The following PCDH11X variants were observed in gnomAD, a reference collection of about 807,000 sequenced individuals.
PCDH11X encodes the protein protocadherin-11 X-linked.
In PCDH11X, 18 loss-of-function variants were observed where a neutral mutation model predicts 53.3. The observed-to-expected ratio is 0.34, with a 90% confidence interval of 0.23 to 0.50. The LOEUF (loss-of-function observed/expected upper bound fraction) is 0.50. Among genes scored for constraint, PCDH11X ranks in the 20% least tolerant of loss-of-function variants. PCDH11X has a pLI of 0.98. For synonymous variants in PCDH11X, 279 were observed against 393.3 expected (o/e 0.71, Z 3.44); for missense variants, 570 against 1,032.4 (o/e 0.55, Z 6.14).
chrX:91,967,091 C>A (rs971761683), intron 6 of PCDH11X, among the ~76,000 whole-genome samples: 2 of 102,838 alleles, frequency 1.9e-5, no homozygotes, highest in African/African-American at 3.6e-5. Context: ...GTTTGGTTTT[C>A]TGTTCCTGTG....
At chrX:92,066,768 G>A (rs1379471709) in intron 6 of PCDH11X, among the ~76,000 whole-genome samples, 6 of 112,106 alleles carry the variant, frequency 5.4e-5, no homozygotes, top group East Asian at 2.8e-4. Flanking sequence ...CAGTAAGATC[G>A]TTATCAACTG....
intron 6 of PCDH11X, among the ~76,000 whole-genome samples, chrX:92,120,742 A>G (rs938811778): frequency 8.9e-6 from 1 of 111,958 alleles, no homozygotes; most frequent in Non-Finnish European, 1.9e-5. Context: ...CAATTACAAC[A>G]TGACTGCAAT....
intron 10 of PCDH11X, among the ~76,000 whole-genome samples, chrX:92,507,627 A>G (rs2074087723): frequency 9.0e-6 from 1 of 111,391 alleles, no homozygotes. Flanking sequence ...ACGTTTGGAT[A>G]CTAAATATGT....
intron 5 of PCDH11X, among the ~76,000 whole-genome samples, chrX:91,838,745 TTTG>T (rs1302275573): frequency 1.8e-5 from 2 of 108,169 alleles, no homozygotes; most frequent in Non-Finnish European, 1.9e-5. Flanking sequence ...TTGCTCTACT[TTTG>T]TTGAATAGAC....
At chrX:92,580,202 C>A (rs1022936923) in intron 10 of PCDH11X, among the ~76,000 whole-genome samples, 5 of 107,103 alleles carry the variant, frequency 4.7e-5, no homozygotes, top group Admixed American at 9.8e-5. Flanking sequence ...GTTGGAGCAT[C>A]TCATACAGTC....
chrX:92,254,730 G>C (rs1278361311), intron 7 of PCDH11X, among the ~76,000 whole-genome samples: 2 of 108,120 alleles, frequency 1.8e-5, no homozygotes, highest in East Asian at 3.0e-4. Flanking sequence ...GAAATTCTGG[G>C]TTGAAAATTC....
chrX:92,322,491 G>A (rs2574031), intron 8 of PCDH11X, among the ~76,000 whole-genome samples: 49,049 of 109,962 alleles, frequency 0.45, 8,158 homozygotes, highest in East Asian at 0.75. Context: ...GGGCTTAATC[G>A]TAGGGACTCG....
At chrX:92,031,392 A>G (rs1209839101) in intron 6 of PCDH11X, among the ~76,000 whole-genome samples, 1 of 106,940 alleles carries the variant, frequency 9.4e-6, no homozygotes, top group African/African-American at 3.5e-5. Context: ...ATCCTTTATC[A>G]GATGTGTAGC....
In PCDH11X at chrX:92,590,402, C is replaced by A. The variant is rs1224478952; in HGVS notation, c.3368-27862C>A. Reference sequence around the variant, plus strand: ...TGACCACAGTTTGTTAGTCCCCCCACCAGAATGAGGAACACAGAGGTGATC... The same window carrying A: ...TGACCACAGTTTGTTAGTCCCCCCAACAGAATGAGGAACACAGAGGTGATC... On this transcript the variant is annotated intron_variant, in intron 10 of 10. Transcript: ENST00000682573. Among the ~76,000 whole-genome samples, 3 of 111,287 alleles carry A rather than the reference C, an allele frequency of 2.7e-5. No homozygotes were observed. In the Admixed American group the frequency reaches 2.9e-4, roughly 11 times the overall value.
At chrX:92,611,892 A>G (rs1302090696) in intron 10 of PCDH11X, among the ~76,000 whole-genome samples, 1 of 105,065 alleles carries the variant, frequency 9.5e-6, no homozygotes, top group Non-Finnish European at 2.0e-5. Flanking sequence ...ATTGATTTGC[A>G]TATGCTGTAC....
chrX:91,788,030 T>C (rs1189680175), intron 1 of PCDH11X, among the ~76,000 whole-genome samples: 1 of 111,685 alleles, frequency 9.0e-6, no homozygotes, highest in Non-Finnish European at 1.9e-5. Context: ...AGGGATGAGA[T>C]ATGAGTGCTA....
intron 6 of PCDH11X, among the ~76,000 whole-genome samples, chrX:92,173,117 A>G (rs17174382): frequency 0.011 from 1,186 of 111,914 alleles, 12 homozygotes; most frequent in African/African-American, 0.037. Flanking sequence ...TACCTAAATA[A>G]TGCCAGGAAA....
At chrX:91,875,224 C>A (rs777145156) in intron 5 of PCDH11X, among the ~76,000 whole-genome samples, 2 of 107,832 alleles carry the variant, frequency 1.9e-5, no homozygotes, top group South Asian at 8.2e-4. Context: ...GGTAAGCTGG[C>A]AAGATCACTA....
intron 6 of PCDH11X, among the ~76,000 whole-genome samples, chrX:91,946,458 G>T (rs1239784814): frequency 1.0e-5 from 1 of 99,759 alleles, no homozygotes; most frequent in Non-Finnish European, 2.0e-5. Context: ...ATACTTGACT[G>T]CAAGTATTGT....
intron 6 of PCDH11X, among the ~76,000 whole-genome samples, chrX:92,147,993 C>A: frequency 2.5e-5 from 2 of 80,135 alleles, no homozygotes; most frequent in South Asian, 1.3e-3. Context: ...TCCTTTCTTT[C>A]TTTCTTTCTT....
intron 6 of PCDH11X, among the ~76,000 whole-genome samples, chrX:91,962,229 G>T (rs1046838222): frequency 2.7e-5 from 3 of 110,138 alleles, no homozygotes; most frequent in Admixed American, 9.6e-5. Flanking sequence ...AGCCCCTTCT[G>T]CCTATGAGCC....
chrX:92,317,960 TAGA>T (rs2069116661), intron 8 of PCDH11X, among the ~76,000 whole-genome samples: 1 of 111,503 alleles, frequency 9.0e-6, no homozygotes, highest in South Asian at 3.7e-4. Flanking sequence ...GTACTGATAG[TAGA>T]AGTAGTAACA....
chrX:91,806,721 AAAC>A (rs1357134136), intron 1 of PCDH11X, among the ~76,000 whole-genome samples: 2 of 112,231 alleles, frequency 1.8e-5, no homozygotes, highest in African/African-American at 6.5e-5. Flanking sequence ...AGTGCAGGAA[AAAC>A]AACAAAAAAA....
At chrX:92,344,341 A>G (rs2069837987) in intron 8 of PCDH11X, among the ~76,000 whole-genome samples, 1 of 109,176 alleles carries the variant, frequency 9.2e-6, no homozygotes, top group Admixed American at 9.9e-5. Flanking sequence ...TAACTATTTT[A>G]TAAGCTAATT....
Sources: gnomAD v4.1 joint callset for allele counts (sites outside exome capture counted in the v4.1 genomes callset) on GRCh38, gnomAD v4.1.1 for gene constraint, MANE v1.5 for transcripts, NCBI Gene and HGNC (gene_info 2026-07-23, HGNC 2026-07-21) for gene names.